Variants in UBA6 observed in about 807,000 individuals in gnomAD.
The protein encoded by UBA6 is ubiquitin like modifier activating enzyme 6.
In UBA6, 87 loss-of-function variants were observed where a neutral mutation model predicts 148.3. The ratio of observed to expected loss-of-function variants is 0.59; its 90% CI spans 0.49 to 0.70. UBA6 has a LOEUF of 0.70. Ranked by LOEUF, UBA6 falls within the 30% of genes least tolerant of loss-of-function variation. UBA6 has a pLI of 0.00. For synonymous variants in UBA6, 376 were observed against 401.0 expected, an observed-to-expected ratio of 0.94 and a Z score of 0.75; for missense variants, 1,186 against 1,241.2, an observed-to-expected ratio of 0.96 and a Z score of 0.67.
At position 67,615,404 on chromosome 4, in the gene UBA6, C is replaced by T. The variant is rs770593469; in HGVS notation, c.*3593G>A. Reference sequence around the variant, plus strand: ...CTGCTGAACCATGAGCCAAATAAACCTTTTTTCTTTATGAATTACCGAGTC... The same window carrying T: ...CTGCTGAACCATGAGCCAAATAAACTTTTTTTCTTTATGAATTACCGAGTC... On this transcript the variant is annotated 3_prime_UTR_variant, in exon 33 of 33. Coordinates refer to ENST00000322244, the MANE Select transcript of UBA6 (RefSeq NM_018227.6). The T allele has an allele frequency of 2.6e-5, 4 of 152,094 alleles. No homozygotes were observed. The highest frequency in any genetic ancestry group is 5.9e-5 in the Non-Finnish European group (4 of 68,020). The allele number at this position is 152,094 out of a possible 1,614,324, so 9.4% of individuals were successfully genotyped here. A position where few individuals can be genotyped will look rare whatever the true frequency, so the allele number is the denominator to read the frequency against.
At chr4:67,648,405 T>G (rs1411150810) in intron 14 of UBA6, among the ~76,000 whole-genome samples, 2 of 150,352 alleles carry the variant, frequency 1.3e-5, no homozygotes, top group Non-Finnish European at 3.0e-5. Context: ...CAGACAGAGG[T>G]TGCAGTGAGC....
At chr4:67,676,962 T>C (rs1312809544) in intron 6 of UBA6, among the ~76,000 whole-genome samples, 1 of 152,148 alleles carries the variant, frequency 6.6e-6, no homozygotes, top group African/African-American at 2.4e-5. Context: ...CCTGGGAATT[T>C]TGTTGTTGTT....
intron 2 of UBA6, among the ~76,000 whole-genome samples, chr4:67,691,433 A>G (rs1013209431): frequency 6.6e-6 from 1 of 152,172 alleles, no homozygotes; most frequent in Non-Finnish European, 1.5e-5. Flanking sequence ...TTTTGTAGCT[A>G]CTTCCAGTTG....
Position 67,644,786 on chromosome 4 carries a change from G to T in UBA6, c.1396-8C>A, listed in dbSNP as rs1249258142. The T allele has an allele frequency of 6.6e-7, 1 of 1,511,208 alleles. No homozygotes were observed. 93.6% of individuals were successfully genotyped at this position (1,511,208 alleles called of 1,614,324 possible). A position where few individuals can be genotyped will look rare whatever the true frequency, so the allele number is the denominator to read the frequency against. On this transcript the variant is annotated splice_polypyrimidine_tract_variant and splice_region_variant and intron_variant, in intron 16 of 32. Coordinates refer to ENST00000322244, the MANE Select transcript of UBA6 (RefSeq NM_018227.6). ...TATGGCTCCACACCCTACCTATGGAGGAGAAAAATGGTATATATCAGATTA... is the reference window on the plus strand; with the variant it reads ...TATGGCTCCACACCCTACCTATGGATGAGAAAAATGGTATATATCAGATTA...
chr4:67,672,331 A>G (rs1383779561), intron 7 of UBA6, among the ~76,000 whole-genome samples: 1 of 152,218 alleles, frequency 6.6e-6, no homozygotes, highest in Non-Finnish European at 1.5e-5. Context: ...CACACATCAT[A>G]TAGACTCTGG....
At chr4:67,663,769 T>C in intron 11 of UBA6, 116 bp downstream of exon 11, 2 of 840,594 alleles carry the variant, frequency 2.4e-6, no homozygotes, top group Non-Finnish European at 4.0e-6. Context: ...ATACTCACAT[T>C]ATAAGGCCCG....
chr4:67,693,492 T>C (rs1335615416), intron 2 of UBA6, among the ~76,000 whole-genome samples: 2 of 152,112 alleles, frequency 1.3e-5, no homozygotes, highest in Admixed American at 1.3e-4. Flanking sequence ...GCACAAGAGG[T>C]AGGGTGGTAG....
At position 67,638,925 on chromosome 4, in the gene UBA6, T is replaced by C; in HGVS notation, c.1736+18A>G. On this transcript the variant is annotated intron_variant, in intron 19 of 32. Transcript: ENST00000322244. The stretch of plus-strand genomic sequence containing the variant: ...AACTAAAGACAATTCTGTAGGAACA[T>C]GAATTTCAAGAACATACCTGTCTAC... 1.3e-6 allele frequency: 2 copies of C among 1,561,778 alleles called. No homozygotes were observed. The highest frequency in any genetic ancestry group is 8.7e-7 in the Non-Finnish European group (1 of 1,145,500).
Position 67,673,727 on chromosome 4 carries a change from G to T in UBA6, c.516C>A (p.Asp172Glu). 2 of 1,611,756 alleles carry T rather than the reference G, an allele frequency of 1.2e-6. No individual in the cohort carries two copies. Among genetic ancestry groups the T allele is most frequent in the South Asian group, 1.1e-5 (1 of 90,912 alleles). The change falls in exon 7 of 33, where the codon GAC becomes GAA. Residue 172 changes from aspartate to glutamate, a missense_variant. Coordinates refer to ENST00000322244, the MANE Select transcript of UBA6 (RefSeq NM_018227.6). The stretch of plus-strand genomic sequence containing the variant: ...TTGGAGGGCACTGAGAACGGCAAAA[G>T]TCATTGATCTTCTTCTGCAATGGAA... ...MKLPLQKKIN[D>E]FCRSQCPPIK... is the part of the protein sequence containing the mutation.
chr4:67,621,608 A>G (rs1407286083), intron 32 of UBA6, among the ~76,000 whole-genome samples: 1 of 152,198 alleles, frequency 6.6e-6, no homozygotes, highest in African/African-American at 2.4e-5. Context: ...GTTCAAGACC[A>G]GCCTGGCCAA....
intron 14 of UBA6, among the ~76,000 whole-genome samples, chr4:67,648,166 C>A (rs1006521797): frequency 6.6e-6 from 1 of 151,260 alleles, no homozygotes; most frequent in African/African-American, 2.4e-5. Context: ...ATGTGAGTAC[C>A]TTTTAAAATA....
chr4:67,677,911 C>T (rs1212197405), intron 5 of UBA6, among the ~76,000 whole-genome samples, 189 bp from the exon 6 acceptor site: 1 of 151,648 alleles, frequency 6.6e-6, no homozygotes, highest in Non-Finnish European at 1.5e-5. Context: ...AAATGATATA[C>T]TATCATATTC....
intron 23 of UBA6, among the ~76,000 whole-genome samples, chr4:67,632,432 T>A (rs1258171862): frequency 6.6e-6 from 1 of 152,162 alleles, no homozygotes; most frequent in East Asian, 1.9e-4. Context: ...GACAATTACA[T>A]TAGGGTTCAT....
At chr4:67,651,542 C>G (rs1374413306) in intron 13 of UBA6, among the ~76,000 whole-genome samples, 1 of 152,030 alleles carries the variant, frequency 6.6e-6, no homozygotes, top group Non-Finnish European at 1.5e-5. Context: ...AAGCAAGATA[C>G]CAGTGAACAA....
intron 13 of UBA6, among the ~76,000 whole-genome samples, chr4:67,652,123 C>T (rs750516688): frequency 7.2e-5 from 11 of 152,004 alleles, no homozygotes; most frequent in Admixed American, 1.3e-4. Flanking sequence ...GACAAAAAAG[C>T]ACAAACCACA....
Position 67,635,637 on chromosome 4 carries a change from T to A in UBA6, c.1737-79A>T. ...CCAAAGGACAACCTACAACTTTCTA[T>A]TGACCATTTCACATACTGATCACTT... On this transcript the variant is annotated intron_variant, in intron 19 of 32. Transcript: ENST00000322244. 4 of 828,684 alleles carry A rather than the reference T, an allele frequency of 4.8e-6. No individual in the cohort carries two copies. In the South Asian group the frequency reaches 5.6e-5, roughly 12 times the overall value. The allele number at this position is 828,684 out of a possible 1,614,324, so 51.3% of individuals were successfully genotyped here.
intron 2 of UBA6, among the ~76,000 whole-genome samples, chr4:67,690,182 G>C (rs923408009): frequency 6.6e-6 from 1 of 152,020 alleles, no homozygotes; most frequent in African/African-American, 2.4e-5. Context: ...AAGTAGTCTA[G>C]TATGGCCAGT....
At chr4:67,638,748 A>G (rs1186181526) in intron 19 of UBA6, among the ~76,000 whole-genome samples, 195 bp downstream of exon 19, 2 of 152,228 alleles carry the variant, frequency 1.3e-5, no homozygotes, top group East Asian at 3.8e-4. Context: ...CATGAAAAAC[A>G]TTTAGGTTAT....
intron 2 of UBA6, among the ~76,000 whole-genome samples, chr4:67,694,383 C>T (rs1458956042): frequency 2.7e-5 from 4 of 146,776 alleles, no homozygotes; most frequent in South Asian, 2.1e-4. Context: ...GCATTTTGGT[C>T]TTTGTATTTC....
Sources: gnomAD v4.1 joint callset for allele counts (sites outside exome capture counted in the v4.1 genomes callset) on GRCh38, gnomAD v4.1.1 for gene constraint, MANE v1.5 for transcripts, NCBI Gene and HGNC (gene_info 2026-07-23, HGNC 2026-07-21) for gene names.